Variants in EXOC6B observed in about 807,000 individuals in gnomAD.
EXOC6B encodes SEC15 homolog B.
EXOC6B carries 54 observed loss-of-function variants against 113.5 expected under a neutral mutation model. The ratio of observed to expected loss-of-function variants is 0.48; its 90% CI spans 0.38 to 0.60. EXOC6B has a LOEUF of 0.60. Ranked by LOEUF, EXOC6B falls within the 20% of genes least tolerant of loss-of-function variation. The probability of loss-of-function intolerance (pLI) is 0.00; values close to 1 mark genes in which losing one functional copy is unlikely to be tolerated. For synonymous variants in EXOC6B, 357 were observed against 339.0 expected (o/e 1.05, Z -0.58); for missense variants, 797 against 977.5 (o/e 0.82, Z 2.46).
At chr2:72,329,972 G>C (rs1688337559) in intron 20 of EXOC6B, among the ~76,000 whole-genome samples, 1 of 152,000 alleles carries the variant, frequency 6.6e-6, no homozygotes, top group Admixed American at 6.6e-5. Context: ...AATATCAACA[G>C]CTCAATCTAA....
intron 6 of EXOC6B, among the ~76,000 whole-genome samples, chr2:72,671,794 A>AGAAG (rs1491547692): frequency 6.1e-5 from 8 of 132,146 alleles, no homozygotes; most frequent in African/African-American, 2.3e-4. Flanking sequence ...AAAGAAAGAA[A>AGAAG]GAAAGAAAGA....
In EXOC6B at chr2:72,825,851, C is replaced by T; in HGVS notation, c.60G>A (p.Arg20=). 1.9e-6 allele frequency: 3 copies of T among 1,613,608 alleles called. No individual in the cohort carries two copies. Among genetic ancestry groups the T allele is most frequent in the Non-Finnish European group, 2.5e-6 (3 of 1,179,738 alleles). ...ESLETAAEHE[R]ILREIESTDT... ...CAGTGCTCTCGATCTCTCGCAGGATCCGCTCGTGCTCTGCCGCTGTCTCCA... is the reference window on the plus strand; with the variant it reads ...CAGTGCTCTCGATCTCTCGCAGGATTCGCTCGTGCTCTGCCGCTGTCTCCA... Residue 20 remains arginine (R), a synonymous_variant, in exon 1 of 22, where the codon CGG becomes CGA. Transcript: ENST00000272427. This position sits in a 1 kb window ranked among gnomAD's most constrained non-coding sequence, Gnocchi z 4.4.
chr2:72,640,414 A>G (rs1390524342), intron 6 of EXOC6B, among the ~76,000 whole-genome samples: 1 of 152,174 alleles, frequency 6.6e-6, no homozygotes. Flanking sequence ...AGAGATAGGG[A>G]GAAAGGAACC....
chr2:72,555,942 G>A (rs146454210), intron 8 of EXOC6B, among the ~76,000 whole-genome samples: 23 of 152,220 alleles, frequency 1.5e-4, no homozygotes, highest in East Asian at 7.7e-4. Flanking sequence ...CACTGCACCC[G>A]GCCTCAGGCA....
At chr2:72,699,340 A>T (rs1319280870) in intron 6 of EXOC6B, among the ~76,000 whole-genome samples, 1 of 152,058 alleles carries the variant, frequency 6.6e-6, no homozygotes, top group Non-Finnish European at 1.5e-5. Flanking sequence ...TTAGCTGGGC[A>T]TGGTGATGGG....
At chr2:72,402,830 A>T (rs182424911) in intron 18 of EXOC6B, among the ~76,000 whole-genome samples, 1 of 152,122 alleles carries the variant, frequency 6.6e-6, no homozygotes, top group Non-Finnish European at 1.5e-5. Flanking sequence ...TTTTTTAGTG[A>T]TATTTTCCAT....
At chr2:72,229,287 G>T (rs1004479413) in intron 20 of EXOC6B, among the ~76,000 whole-genome samples, 2 of 152,148 alleles carry the variant, frequency 1.3e-5, no homozygotes, top group African/African-American at 4.8e-5. Context: ...TTGAAATAGG[G>T]AGACGTCGTT....
chr2:72,211,505 A>G (rs1295263879), intron 20 of EXOC6B, among the ~76,000 whole-genome samples: 1 of 152,174 alleles, frequency 6.6e-6, no homozygotes, highest in Non-Finnish European at 1.5e-5. Flanking sequence ...GAATGCCTCC[A>G]TGTACCCAAG....
chr2:72,628,438 T>C (rs1672190263), intron 6 of EXOC6B, among the ~76,000 whole-genome samples: 1 of 152,102 alleles, frequency 6.6e-6, no homozygotes, highest in Non-Finnish European at 1.5e-5. Flanking sequence ...CCTAGAAAAT[T>C]ATTTTTAAAT....
intron 20 of EXOC6B, among the ~76,000 whole-genome samples, chr2:72,329,061 C>T (rs1312077899): frequency 1.3e-5 from 2 of 152,078 alleles, no homozygotes; most frequent in Non-Finnish European, 2.9e-5. Context: ...CTACTGACAA[C>T]ATTACTGGTC....
chr2:72,750,511 C>A (rs1681974179), intron 1 of EXOC6B, among the ~76,000 whole-genome samples: 1 of 151,992 alleles, frequency 6.6e-6, no homozygotes, highest in Non-Finnish European at 1.5e-5. Context: ...AAATCAGAGG[C>A]CTTCAAATGA....
At position 72,657,567 on chromosome 2, in the gene EXOC6B, C is replaced by CTTTTTTTTTTTTTTT. The variant is rs70963136; in HGVS notation, c.669+60521_669+60535dup. Reference sequence around the variant, plus strand: ...TATTAGGTCTTTCCTCTTTCCTTTTCTTTTTTTTTTTTTTTTTTTTTTTTT... The same window carrying CTTTTTTTTTTTTTTT: ...TATTAGGTCTTTCCTCTTTCCTTTTCTTTTTTTTTTTTTTTTTTTTTTTTTTTTTTTTTTTTTTTT... On this transcript the variant is annotated intron_variant, in intron 6 of 21. Coordinates refer to ENST00000272427, the MANE Select transcript of EXOC6B (RefSeq NM_015189.3). Among the ~76,000 whole-genome samples the CTTTTTTTTTTTTTTT allele has an allele frequency of 1.7e-3, 85 of 50,388 alleles. 3 individuals are homozygous for CTTTTTTTTTTTTTTT. Among genetic ancestry groups the CTTTTTTTTTTTTTTT allele is most frequent in the East Asian group, 2.5e-3 (4 of 1,572 alleles). The allele number at this position is 50,388 out of a possible 152,430, so 33.1% of individuals were successfully genotyped here.
intron 16 of EXOC6B, among the ~76,000 whole-genome samples, chr2:72,484,453 G>C (rs3115348): frequency 3.3e-5 from 5 of 151,046 alleles, no homozygotes; most frequent in Non-Finnish European, 7.4e-5. Flanking sequence ...TGTAGTCCCA[G>C]CTACTCGGGA....
intron 1 of EXOC6B, among the ~76,000 whole-genome samples, chr2:72,786,323 C>T (rs1684376013): frequency 6.6e-6 from 1 of 152,182 alleles, no homozygotes; most frequent in South Asian, 2.1e-4. Context: ...AGTACAAAAA[C>T]TATACCATAA....
At chr2:72,245,207 G>A (rs1421133502) in intron 20 of EXOC6B, among the ~76,000 whole-genome samples, 1 of 152,172 alleles carries the variant, frequency 6.6e-6, no homozygotes, top group African/African-American at 2.4e-5. Flanking sequence ...AATGTCAGAA[G>A]ATTGACACTA....
chr2:72,351,118 G>A (rs1463437612), intron 19 of EXOC6B, among the ~76,000 whole-genome samples: 1 of 152,134 alleles, frequency 6.6e-6, no homozygotes, highest in Non-Finnish European at 1.5e-5. Flanking sequence ...CAGTCTGACA[G>A]CTGGATTTGG....
chr2:72,607,076 G>A (rs113894942), intron 6 of EXOC6B, among the ~76,000 whole-genome samples: 1 of 152,088 alleles, frequency 6.6e-6, no homozygotes, highest in African/African-American at 2.4e-5. Flanking sequence ...TCTCAGAACA[G>A]TATTAATTAA....
In EXOC6B at chr2:72,431,811, C is replaced by G. The variant is rs1203637585; in HGVS notation, c.1980+33349G>C. Among the ~76,000 whole-genome samples, 14 of 152,114 alleles carry G rather than the reference C, an allele frequency of 9.2e-5. No homozygotes were observed. In the East Asian group the frequency reaches 2.7e-3, roughly 30 times the overall value. On this transcript the variant is annotated intron_variant, in intron 18 of 21. Coordinates refer to ENST00000272427, the MANE Select transcript of EXOC6B (RefSeq NM_015189.3). Reference sequence around the variant, plus strand: ...ACCCCTCCCCTAGCCTCCCACACCCCAACGAGCCCTGGTGTGTGATGACCC... The same window carrying G: ...ACCCCTCCCCTAGCCTCCCACACCCGAACGAGCCCTGGTGTGTGATGACCC...
chr2:72,421,473 C>A (rs1694861430), intron 18 of EXOC6B, among the ~76,000 whole-genome samples: 1 of 152,148 alleles, frequency 6.6e-6, no homozygotes, highest in Non-Finnish European at 1.5e-5. Context: ...AATTCCAAAG[C>A]AAATTTCAGA....
Sources: allele counts gnomAD v4.1 joint callset (sites outside exome capture counted in the v4.1 genomes callset), GRCh38; gene constraint gnomAD v4.1.1; non-coding constraint Gnocchi (gnomAD v3.1); transcripts MANE v1.5; gene names NCBI Gene and HGNC (gene_info 2026-07-23, HGNC 2026-07-21).